The following PALM2AKAP2 variants were observed in gnomAD, a reference collection of about 807,000 sequenced individuals.
PALM2AKAP2 encodes the protein PALM2-AKAP2 fusion protein.
PALM2AKAP2 carries 37 observed loss-of-function variants against 71.5 expected under a neutral mutation model. The observed-to-expected ratio is 0.52, with a 90% CI of 0.40 to 0.68. PALM2AKAP2 has a LOEUF of 0.68. PALM2AKAP2 is among the 30% of genes least tolerant of loss of function. The pLI is 0.00. For synonymous variants in PALM2AKAP2, 468 were observed against 478.8 expected (o/e 0.98, Z 0.29); for missense variants, 1,224 against 1,191.8 (o/e 1.03, Z -0.40).
chr9:109,795,353 C>G (rs1199465851), intron 1 of PALM2AKAP2, among the ~76,000 whole-genome samples: 5 of 152,218 alleles, frequency 3.3e-5, no homozygotes, highest in Non-Finnish European at 5.9e-5. Context: ...AGTCTTCACT[C>G]TCATCATTAG....
At chr9:110,075,032 A>G (rs1365556862) in intron 1 of PALM2AKAP2, among the ~76,000 whole-genome samples, 6 of 152,134 alleles carry the variant, frequency 3.9e-5, no homozygotes, top group South Asian at 2.1e-4. Context: ...AAAAGAAAAA[A>G]AAAAGTCACT....
At chr9:109,703,880 A>G (rs536612325) in intron 1 of PALM2AKAP2, among the ~76,000 whole-genome samples, 1 of 152,260 alleles carries the variant, frequency 6.6e-6, no homozygotes, top group African/African-American at 2.4e-5. Flanking sequence ...AATTTGTATT[A>G]TTTTATTTCC....
At chr9:109,792,773 C>A (rs796521174) in intron 1 of PALM2AKAP2, among the ~76,000 whole-genome samples, 1 of 152,076 alleles carries the variant, frequency 6.6e-6, no homozygotes, top group Non-Finnish European at 1.5e-5. Flanking sequence ...CAGCCTGGGT[C>A]GTCTTTTCAC....
chr9:109,980,825 T>A (rs150073687), intron 6 of PALM2AKAP2, among the ~76,000 whole-genome samples: 12 of 152,350 alleles, frequency 7.9e-5, no homozygotes, highest in African/African-American at 2.9e-4. Flanking sequence ...TATACCCATC[T>A]CTAAAATGTT....
At chr9:110,097,145 G>C (rs1834866615) in intron 1 of PALM2AKAP2, among the ~76,000 whole-genome samples, 1 of 150,566 alleles carries the variant, frequency 6.6e-6, no homozygotes, top group African/African-American at 2.5e-5. Flanking sequence ...TTAGGGAGTG[G>C]TGATGACTCT....
At chr9:109,778,147 C>CT (rs1003553518), upstream of PALM2AKAP2, among the ~76,000 whole-genome samples, 4 of 152,182 alleles carry the variant, frequency 2.6e-5, no homozygotes, top group African/African-American at 9.7e-5. Flanking sequence ...TCAATCATAC[C>CT]TTTTAAATAT....
rs34958946 is a variant in PALM2AKAP2, at chr9:110,111,086, C to CTTTTTTTTTTTTTTTT, written c.157-25033_157-25018dup. Among the ~76,000 whole-genome samples, 101 of 84,188 alleles carry CTTTTTTTTTTTTTTTT rather than the reference C, an allele frequency of 1.2e-3. 1 individual carries two copies. Among genetic ancestry groups the CTTTTTTTTTTTTTTTT allele is most frequent in the Non-Finnish European group, 1.4e-3 (65 of 47,500 alleles). The allele number at this position is 84,188 out of a possible 152,430, so 55.2% of individuals were successfully genotyped here. Reference sequence around the variant, plus strand: ...TCCTTTTTTCTTTTCTTTCTTTCTTCTTTTTTTTTTTTTTTTTTTTTTTGA... The same window carrying CTTTTTTTTTTTTTTTT: ...TCCTTTTTTCTTTTCTTTCTTTCTTCTTTTTTTTTTTTTTTTTTTTTTTTTTTTTTTTTTTTTTTGA... On this transcript the variant is annotated intron_variant, in intron 1 of 3. Transcript: ENST00000374525.
At chr9:109,737,172 C>T (rs1828649337) in intron 1 of PALM2AKAP2, among the ~76,000 whole-genome samples, 1 of 152,092 alleles carries the variant, frequency 6.6e-6, no homozygotes, top group African/African-American at 2.4e-5. Context: ...TCATAAGGCA[C>T]CAAAGGGATC....
chr9:110,102,309 T>C (rs1243955845), intron 1 of PALM2AKAP2, among the ~76,000 whole-genome samples: 1 of 152,222 alleles, frequency 6.6e-6, no homozygotes, highest in Non-Finnish European at 1.5e-5. Flanking sequence ...TTCTAGACAA[T>C]ATTTACTGAG....
At chr9:109,972,850 A>G (rs771404697) in intron 6 of PALM2AKAP2, among the ~76,000 whole-genome samples, 1 of 152,250 alleles carries the variant, frequency 6.6e-6, no homozygotes, top group Non-Finnish European at 1.5e-5. Flanking sequence ...GCTAATATGT[A>G]TAACGGACTT....
At chr9:109,673,503 A>T (rs942702443) in intron 1 of PALM2AKAP2, among the ~76,000 whole-genome samples, 3 of 151,988 alleles carry the variant, frequency 2.0e-5, no homozygotes, top group African/African-American at 7.2e-5. Context: ...TTTGCTGAGG[A>T]GTGTTTTACT....
chr9:110,063,793 TAA>T (rs1331511406), intron 1 of PALM2AKAP2, among the ~76,000 whole-genome samples: 1 of 152,206 alleles, frequency 6.6e-6, no homozygotes, highest in African/African-American at 2.4e-5. Context: ...TCATCCACTC[TAA>T]AGACTTCATT....
chr9:109,711,976 T>C (rs942958753), intron 1 of PALM2AKAP2, among the ~76,000 whole-genome samples: 7 of 147,834 alleles, frequency 4.7e-5, no homozygotes, highest in Admixed American at 1.4e-4. Context: ...GGCATGTGCC[T>C]GTCCTTGTGT....
At chr9:109,739,854 T>C (rs1269948063) in intron 1 of PALM2AKAP2, among the ~76,000 whole-genome samples, 1 of 152,166 alleles carries the variant, frequency 6.6e-6, no homozygotes. Flanking sequence ...CCCAGGGCTT[T>C]TGAGGCCCTG....
At chr9:110,043,275 C>G (rs1041508889) in intron 7 of PALM2AKAP2, among the ~76,000 whole-genome samples, 2 of 152,208 alleles carry the variant, frequency 1.3e-5, no homozygotes, top group African/African-American at 4.8e-5. Context: ...ACATAACACT[C>G]AAACAACTTT....
intron 1 of PALM2AKAP2, among the ~76,000 whole-genome samples, chr9:109,864,387 A>AC (rs951752682): frequency 2.0e-5 from 3 of 152,014 alleles, no homozygotes; most frequent in South Asian, 2.1e-4. Flanking sequence ...ACTTTGCCTA[A>AC]CCCCCCAGAT....
At chr9:110,059,219 T>C (rs950784046) in intron 1 of PALM2AKAP2, among the ~76,000 whole-genome samples, 7 of 152,284 alleles carry the variant, frequency 4.6e-5, no homozygotes, top group Admixed American at 2.6e-4. Flanking sequence ...TGTTTTGAAG[T>C]GAAATTATAT....
intron 2 of PALM2AKAP2, among the ~76,000 whole-genome samples, chr9:109,874,285 G>T (rs1355139880): frequency 1.3e-5 from 2 of 152,168 alleles, no homozygotes; most frequent in Non-Finnish European, 2.9e-5. Flanking sequence ...TTATGAAGTG[G>T]ATCAGTGGCA....
chr9:110,088,978 C>T (rs1231825649), intron 1 of PALM2AKAP2, among the ~76,000 whole-genome samples: 1 of 151,992 alleles, frequency 6.6e-6, no homozygotes, highest in Non-Finnish European at 1.5e-5. Flanking sequence ...CGTTGGCCTC[C>T]CAAAGTGCTG....
Sources: allele counts gnomAD v4.1 joint callset (sites outside exome capture counted in the v4.1 genomes callset), GRCh38; gene constraint gnomAD v4.1.1; transcripts MANE v1.5; gene names NCBI Gene and HGNC (gene_info 2026-07-23, HGNC 2026-07-21).